LRRC4C: variants seen among roughly 807,000 people sequenced by gnomAD.
LRRC4C encodes leucine-rich repeat-containing protein 4C.
LRRC4C carries 5 observed loss-of-function variants against 33.6 expected under a neutral mutation model. That is an observed-to-expected ratio of 0.15 (90% CI 0.08 to 0.31). LRRC4C has a LOEUF of 0.31. Among genes scored for constraint, LRRC4C ranks in the 10% least tolerant of loss-of-function variants. LRRC4C has a pLI of 1.00. For missense variants in LRRC4C, 560 were observed against 796.7 expected, an observed-to-expected ratio of 0.70 and a Z score of 3.58; for synonymous variants, 329 against 302.0, an observed-to-expected ratio of 1.09 and a Z score of -0.93.
In LRRC4C at chr11:40,287,256, A is replaced by ATGTGTGTGTG. The variant is rs5791367; in HGVS notation, c.-176+32362_-176+32371dup. ...TAAGGAAGCAACTTAATGTCACTGT[A>ATGTGTGTGTG]TGTGTGTGTGTGTGTGTGTGTGTGT... On this transcript the variant is annotated intron_variant, in intron 4 of 6. Transcript: ENST00000528697. 4.2e-3 allele frequency among the ~76,000 whole-genome samples: 604 copies of ATGTGTGTGTG among 144,870 alleles called. 2 individuals are homozygous for ATGTGTGTGTG. Among genetic ancestry groups the ATGTGTGTGTG allele is most frequent in the Non-Finnish European group, 6.1e-3 (405 of 65,904 alleles).
intron 3 of LRRC4C, among the ~76,000 whole-genome samples, chr11:40,585,315 G>A (rs952430929): frequency 6.6e-6 from 1 of 152,038 alleles, no homozygotes; most frequent in African/African-American, 2.4e-5. Flanking sequence ...TGCTAGATGT[G>A]TAGCTAACAC....
At chr11:40,729,490 T>C (rs1330065940) in intron 2 of LRRC4C, among the ~76,000 whole-genome samples, 1 of 152,162 alleles carries the variant, frequency 6.6e-6, no homozygotes, top group African/African-American at 2.4e-5. Flanking sequence ...CAGGTCCTGA[T>C]ATTGCCTGAA....
At chr11:41,172,901 T>C (rs191640789) in intron 1 of LRRC4C, among the ~76,000 whole-genome samples, 52 of 152,258 alleles carry the variant, frequency 3.4e-4, no homozygotes, top group African/African-American at 1.1e-3. Context: ...GGGCCTTAGA[T>C]ATTGTTTATT....
chr11:41,267,932 G>A (rs1034734103), intron 1 of LRRC4C, among the ~76,000 whole-genome samples: 43 of 152,022 alleles, frequency 2.8e-4, no homozygotes, highest in African/African-American at 9.7e-4. Flanking sequence ...TCCTGCCACA[G>A]GTTGTTTTCT....
At chr11:40,947,655 C>A (rs995818702) in intron 1 of LRRC4C, among the ~76,000 whole-genome samples, 1 of 152,032 alleles carries the variant, frequency 6.6e-6, no homozygotes, top group South Asian at 2.1e-4. Flanking sequence ...TGAGAAGGAA[C>A]GTGTACAGAT....
chr11:40,950,117 T>A (rs1200031030), intron 1 of LRRC4C, among the ~76,000 whole-genome samples: 1 of 152,070 alleles, frequency 6.6e-6, no homozygotes, highest in Non-Finnish European at 1.5e-5. Flanking sequence ...GGTGGAACTA[T>A]AGTGAGGTGT....
At chr11:41,234,529 A>G (rs903781842) in intron 1 of LRRC4C, among the ~76,000 whole-genome samples, 1 of 152,048 alleles carries the variant, frequency 6.6e-6, no homozygotes, top group African/African-American at 2.4e-5. Flanking sequence ...GCCATGCTAG[A>G]TAGAATATTA....
At chr11:40,890,623 A>T (rs930780661) in intron 2 of LRRC4C, among the ~76,000 whole-genome samples, 1 of 152,162 alleles carries the variant, frequency 6.6e-6, no homozygotes, top group Admixed American at 6.5e-5. Context: ...GGTGTTTGTC[A>T]TTGGTGAGGA....
intron 3 of LRRC4C, among the ~76,000 whole-genome samples, chr11:40,376,407 ATC>A (rs1948661238): frequency 6.6e-6 from 1 of 152,184 alleles, no homozygotes; most frequent in African/African-American, 2.4e-5. Context: ...CAGAGACGAC[ATC>A]TGTTAGAATT....
At chr11:40,602,458 G>A (rs146990269) in intron 3 of LRRC4C, among the ~76,000 whole-genome samples, 3,066 of 151,822 alleles carry the variant, frequency 0.02, 48 homozygotes, top group South Asian at 0.037. Flanking sequence ...TCCCAAAAGG[G>A]GTATATTTTT....
chr11:41,142,223 C>A (rs1374158695), intron 1 of LRRC4C, among the ~76,000 whole-genome samples: 1 of 152,120 alleles, frequency 6.6e-6, no homozygotes, highest in Non-Finnish European at 1.5e-5. Flanking sequence ...TTCATTTACT[C>A]ATTCATTTGC....
chr11:41,148,563 G>C (rs917397866), intron 1 of LRRC4C, among the ~76,000 whole-genome samples: 5 of 152,190 alleles, frequency 3.3e-5, no homozygotes, highest in Middle Eastern at 3.4e-3. Context: ...TGTATGCAAA[G>C]GTGAAGACAG....
intron 5 of LRRC4C, among the ~76,000 whole-genome samples, chr11:40,208,948 CGTGTGTGTGTGTGT>C (rs58767227): frequency 1.4e-5 from 2 of 146,742 alleles, no homozygotes; most frequent in East Asian, 4.1e-4. Context: ...CTTTTGTGCA[CGTGTGTGTGTGTGT>C]GTGTGTGTGT....
At chr11:41,344,745 A>G (rs1951750704) in intron 1 of LRRC4C, among the ~76,000 whole-genome samples, 1 of 152,240 alleles carries the variant, frequency 6.6e-6, no homozygotes, top group Admixed American at 6.5e-5. Context: ...TTAAATTTCT[A>G]TGTTTTCACA....
chr11:40,171,025 T>C (rs112548714), intron 5 of LRRC4C, among the ~76,000 whole-genome samples: 118 of 152,288 alleles, frequency 7.7e-4, no homozygotes, highest in African/African-American at 2.8e-3. Context: ...TGAGGGAAAT[T>C]ATGCTTCCTA....
At chr11:40,933,505 T>A (rs1207297276) in intron 2 of LRRC4C, 130 bp downstream of exon 2, 1 of 152,264 alleles carries the variant, frequency 6.6e-6, no homozygotes, top group Non-Finnish European at 1.5e-5. Flanking sequence ...TATTAGATGA[T>A]GTTCCAGCTT....
chr11:41,208,406 T>C (rs1265808005), intron 1 of LRRC4C, among the ~76,000 whole-genome samples: 1 of 152,210 alleles, frequency 6.6e-6, no homozygotes, highest in Non-Finnish European at 1.5e-5. Flanking sequence ...TGAATAATTC[T>C]CTGCCTGTGC....
chr11:41,105,937 G>A lies in LRRC4C; in HGVS notation c.-495-172214C>T, dbSNP rs556196205. Reference sequence around the variant, plus strand: ...AGATATTTCTCTCTCTTTTTATCAAGTACTGAATAAAAGAATCATTACAGT... The same window carrying A: ...AGATATTTCTCTCTCTTTTTATCAAATACTGAATAAAAGAATCATTACAGT... On this transcript the variant is annotated intron_variant, in intron 1 of 6. Transcript: ENST00000528697. Among the ~76,000 whole-genome samples, 3 of 152,046 alleles carry A rather than the reference G, an allele frequency of 2.0e-5. No homozygotes were observed. The East Asian group carries it at 5.8e-4, about 29-fold the overall frequency.
At chr11:41,385,732 AG>A (rs1451923452) in intron 1 of LRRC4C, among the ~76,000 whole-genome samples, 1 of 151,494 alleles carries the variant, frequency 6.6e-6, no homozygotes, top group Non-Finnish European at 1.5e-5. Flanking sequence ...GAAAGTTAAA[AG>A]AGGAATAGTG....
Sources: gnomAD v4.1 joint callset for allele counts (sites outside exome capture counted in the v4.1 genomes callset) on GRCh38, gnomAD v4.1.1 for gene constraint, MANE v1.5 for transcripts, NCBI Gene and HGNC (gene_info 2026-07-23, HGNC 2026-07-21) for gene names.